IFT56: variants seen among roughly 807,000 people sequenced by gnomAD.
The protein encoded by IFT56 is intraflagellar transport 56.
chr7:139,186,783 A>C, the IFT56 span, among the ~76,000 whole-genome samples: 31 of 152,228 alleles, frequency 2.0e-4, no homozygotes, highest in Non-Finnish European at 3.7e-4. Flanking sequence ...TTAGAAGACA[A>C]TTAGAAGAAA....
chr7:139,178,416 A>C, the IFT56 span: 1 of 1,421,516 alleles, frequency 7.0e-7, no homozygotes, highest in Non-Finnish European at 9.8e-7. Context: ...AGTGGCATCA[A>C]CTAATCCTTA....
chr7:139,180,144 T>A, the IFT56 span, among the ~76,000 whole-genome samples: 1 of 150,570 alleles, frequency 6.6e-6, no homozygotes, highest in African/African-American at 2.4e-5. Context: ...GAGACCATCC[T>A]GGCTAGCACG....
At chr7:139,176,424 T>C in the IFT56 span, among the ~76,000 whole-genome samples, 1 of 152,214 alleles carries the variant, frequency 6.6e-6, no homozygotes, top group Non-Finnish European at 1.5e-5. Flanking sequence ...TTCTTTCCTA[T>C]AATGATTTCT....
the IFT56 span, among the ~76,000 whole-genome samples, chr7:139,159,706 AT>A: frequency 6.6e-6 from 1 of 152,240 alleles, no homozygotes; most frequent in East Asian, 1.9e-4. Flanking sequence ...AAACAATAAC[AT>A]TGTTCTCACT....
the IFT56 span, chr7:139,173,714 G>T: frequency 1.3e-6 from 1 of 770,022 alleles, no homozygotes; most frequent in Non-Finnish European, 2.4e-6. Flanking sequence ...CCTCTCATTG[G>T]CTGAAAAGGC....
the IFT56 span, chr7:139,146,990 T>C: frequency 1.3e-6 from 2 of 1,526,804 alleles, no homozygotes; most frequent in Non-Finnish European, 1.8e-6. Context: ...GCAGGAGAAA[T>C]GAAGTAGAAG....
the IFT56 span, among the ~76,000 whole-genome samples, chr7:139,138,584 C>G: frequency 6.6e-6 from 1 of 152,082 alleles, no homozygotes. Flanking sequence ...TTGGTGTTAG[C>G]ATTTATTAAG....
chr7:139,183,570 T>A, the IFT56 span, among the ~76,000 whole-genome samples: 1 of 152,150 alleles, frequency 6.6e-6, no homozygotes, highest in Non-Finnish European at 1.5e-5. Flanking sequence ...GTATGCCTAT[T>A]AAAAGACATC....
the IFT56 span, among the ~76,000 whole-genome samples, chr7:139,156,512 A>T: frequency 6.6e-6 from 1 of 151,538 alleles, no homozygotes; most frequent in African/African-American, 2.4e-5. Context: ...AAGTTTTGTT[A>T]TATTGTATCT....
the IFT56 span, among the ~76,000 whole-genome samples, chr7:139,138,781 C>T: frequency 1.3e-5 from 2 of 150,262 alleles, no homozygotes; most frequent in Non-Finnish European, 3.0e-5. Flanking sequence ...TACCCATCTA[C>T]AATAATTAAT....
the IFT56 span, among the ~76,000 whole-genome samples, chr7:139,143,579 CTT>C: frequency 2.0e-5 from 3 of 151,880 alleles, no homozygotes; most frequent in Non-Finnish European, 4.4e-5. Context: ...TAAGGTGACT[CTT>C]ATAAACAGCA....
the IFT56 span, among the ~76,000 whole-genome samples, chr7:139,138,171 C>A: frequency 6.6e-6 from 1 of 152,042 alleles, no homozygotes; most frequent in South Asian, 2.1e-4. Flanking sequence ...TACAGTAGTT[C>A]CCCCTTGTCT....
At chr7:139,165,372 A>G in the IFT56 span, 12 of 595,016 alleles carry the variant, frequency 2.0e-5, no homozygotes, top group Admixed American at 3.9e-4. Flanking sequence ...GAACAAGTTT[A>G]TTGGTGGTTA....
chr7:139,168,301 T>C, the IFT56 span: 3 of 1,367,588 alleles, frequency 2.2e-6, no homozygotes, highest in Middle Eastern at 1.9e-4. Context: ...AATGATCTCA[T>C]AGCTCCACAT....
chr7:139,139,905 A>G, the IFT56 span: 3 of 1,611,440 alleles, frequency 1.9e-6, no homozygotes, highest in South Asian at 1.1e-5. Flanking sequence ...CGAAAATGCT[A>G]CAAAAGAGGA....
At chr7:139,178,422 C>G in the IFT56 span, 1 of 1,431,980 alleles carries the variant, frequency 7.0e-7, no homozygotes, top group South Asian at 1.2e-5. Flanking sequence ...ATCAACTAAT[C>G]CTTAAGGTTA....
the IFT56 span, among the ~76,000 whole-genome samples, chr7:139,180,100 G>C: frequency 1.5e-4 from 23 of 152,310 alleles, no homozygotes; most frequent in Non-Finnish European, 2.4e-4. Context: ...CACTTTGGGA[G>C]GCCAAGGCGG....
chr7:139,139,833 A>G, the IFT56 span: 2 of 1,104,372 alleles, frequency 1.8e-6, no homozygotes, highest in East Asian at 2.4e-5. Context: ...TTGTGGAAGA[A>G]TGGCCCATCA....
the IFT56 span, among the ~76,000 whole-genome samples, chr7:139,179,827 A>G: frequency 2.1e-4 from 32 of 152,324 alleles, no homozygotes; most frequent in African/African-American, 7.5e-4. Context: ...TAAATGTGTC[A>G]TGCAAGTTTA....
Sources: gnomAD v4.1 joint callset for allele counts (sites outside exome capture counted in the v4.1 genomes callset) on GRCh38, gnomAD v4.1.1 for gene constraint, MANE v1.5 for transcripts, NCBI Gene and HGNC (gene_info 2026-07-23, HGNC 2026-07-21) for gene names.